NLGN1: variants seen among roughly 807,000 people sequenced by gnomAD.
NLGN1 encodes the protein neuroligin 1, also known as neuroligin-1.
A neutral mutation model predicts 65.5 loss-of-function variants in NLGN1; 12 were observed. The observed-to-expected ratio is 0.18, with a 90% CI of 0.12 to 0.30. The LOEUF (loss-of-function observed/expected upper bound fraction) is 0.30. Among genes scored for constraint, NLGN1 ranks in the 10% least tolerant of loss-of-function variants. The probability of loss-of-function intolerance (pLI) is 1.00; values close to 1 mark genes in which losing one functional copy is unlikely to be tolerated. For synonymous variants in NLGN1, 350 were observed against 359.5 expected (o/e 0.97, Z 0.30); for missense variants, 750 against 1,007.1 (o/e 0.74, Z 3.46).
chr3:173,527,049 A>G (rs1296515102), intron 2 of NLGN1, among the ~76,000 whole-genome samples: 2 of 152,226 alleles, frequency 1.3e-5, no homozygotes, highest in East Asian at 1.9e-4. Context: ...TAGTGCTGCA[A>G]TAAACATGGG....
chr3:173,521,987 G>A (rs1205713510), intron 2 of NLGN1, among the ~76,000 whole-genome samples: 1 of 152,114 alleles, frequency 6.6e-6, no homozygotes, highest in African/African-American at 2.4e-5. Context: ...AACCATAGTA[G>A]TGGGTAATTA....
chr3:173,838,175 T>C (rs1247907158), intron 4 of NLGN1, among the ~76,000 whole-genome samples: 1 of 151,840 alleles, frequency 6.6e-6, no homozygotes, highest in East Asian at 1.9e-4. Context: ...AAACACTAAA[T>C]TGATTGTAAC....
intron 2 of NLGN1, among the ~76,000 whole-genome samples, chr3:173,557,503 A>G (rs1026230008): frequency 3.9e-5 from 6 of 151,934 alleles, no homozygotes; most frequent in East Asian, 1.9e-4. Flanking sequence ...TCTTTGCCCT[A>G]TTTAACTTTC....
In NLGN1 at chr3:173,408,708, C is replaced by T. The variant is rs1054079977; in HGVS notation, c.-390+10221C>T. Among the ~76,000 whole-genome samples the T allele has an allele frequency of 1.6e-4, 24 of 152,104 alleles. 2 individuals carry two copies. Among genetic ancestry groups the T allele is most frequent in the Admixed American group, 1.2e-3 (18 of 15,284 alleles). On this transcript the variant is annotated intron_variant, in intron 1 of 6. Transcript: ENST00000457714. ...CGGGCGGATCACAGGGTCAGGAGAT[C>T]GAGACCTTCCTGGCTAATACGGTGA...
intron 4 of NLGN1, among the ~76,000 whole-genome samples, chr3:174,137,091 C>G (rs930448156): frequency 6.6e-6 from 1 of 152,004 alleles, no homozygotes; most frequent in African/African-American, 2.4e-5. Context: ...TATTGACTAC[C>G]GTGCTGAAAG....
intron 4 of NLGN1, among the ~76,000 whole-genome samples, chr3:174,019,173 C>T (rs1248023934): frequency 6.6e-6 from 1 of 152,104 alleles, no homozygotes; most frequent in Admixed American, 6.6e-5. Flanking sequence ...AAGTGGCTTA[C>T]AAAATTATGA....
chr3:173,947,535 T>A (rs1005492217), intron 4 of NLGN1, among the ~76,000 whole-genome samples: 3 of 152,210 alleles, frequency 2.0e-5, no homozygotes, highest in Admixed American at 2.0e-4. Flanking sequence ...CGTTATTTTT[T>A]AAATAATTAC....
At chr3:173,759,959 G>A (rs1032850777) in intron 3 of NLGN1, among the ~76,000 whole-genome samples, 8 of 151,760 alleles carry the variant, frequency 5.3e-5, no homozygotes, top group African/African-American at 1.9e-4. Flanking sequence ...TTTTCTTTTA[G>A]TGGGTAGTTA....
rs1285891601 is a variant in NLGN1, at chr3:173,957,703, T to G, written c.646+149871T>G. On this transcript the variant is annotated intron_variant, in intron 4 of 6. Coordinates refer to ENST00000457714, the Ensembl canonical transcript of NLGN1. ...AGGAATACACCTTACTAATAGTTTCTGCTCCCTCCTATGGTCCTGAATGTA... is the reference window on the plus strand; with the variant it reads ...AGGAATACACCTTACTAATAGTTTCGGCTCCCTCCTATGGTCCTGAATGTA... Among the ~76,000 whole-genome samples the G allele has an allele frequency of 2.6e-5, 4 of 152,344 alleles. No individual in the cohort carries two copies. In the East Asian group the frequency reaches 7.7e-4, roughly 29 times the overall value.
chr3:173,429,433 C>A (rs1468824161), intron 1 of NLGN1, among the ~76,000 whole-genome samples: 1 of 152,142 alleles, frequency 6.6e-6, no homozygotes, highest in Non-Finnish European at 1.5e-5. Context: ...TTCCTCAAAA[C>A]TACTGTTTTG....
chr3:173,659,265 A>G (rs1259051347), intron 3 of NLGN1, among the ~76,000 whole-genome samples: 1 of 152,044 alleles, frequency 6.6e-6, no homozygotes, highest in Non-Finnish European at 1.5e-5. Context: ...TTCTTACATT[A>G]TACTCAATGG....
intron 3 of NLGN1, among the ~76,000 whole-genome samples, chr3:173,614,581 A>G (rs528747330): frequency 6.6e-6 from 1 of 152,170 alleles, no homozygotes; most frequent in Admixed American, 6.5e-5. Flanking sequence ...AAGAGAACTG[A>G]TATGTTGCTT....
intron 2 of NLGN1, among the ~76,000 whole-genome samples, chr3:173,446,126 A>G (rs1020268556): frequency 2.0e-5 from 3 of 151,904 alleles, no homozygotes; most frequent in African/African-American, 7.3e-5. Flanking sequence ...CAGGTTTGTT[A>G]CATATGTATA....
chr3:174,012,801 T>C (rs1286033712), intron 4 of NLGN1, among the ~76,000 whole-genome samples: 1 of 152,182 alleles, frequency 6.6e-6, no homozygotes, highest in African/African-American at 2.4e-5. Flanking sequence ...ATATATATAA[T>C]AGGTTTGAGA....
chr3:173,791,534 C>A (rs201192150), intron 3 of NLGN1, among the ~76,000 whole-genome samples: 6 of 123,164 alleles, frequency 4.9e-5, no homozygotes, highest in African/African-American at 1.8e-4. Context: ...TTTTTTTTTT[C>A]TTTTAAAGGC....
chr3:173,445,267 C>CAAAAAAAAAA (rs60140480), intron 2 of NLGN1, among the ~76,000 whole-genome samples: 2 of 103,486 alleles, frequency 1.9e-5, no homozygotes, highest in African/African-American at 8.5e-5. Context: ...GACTCCGTCT[C>CAAAAAAAAAA]AAAAAAAAAA....
At chr3:173,767,157 G>T (rs750631721) in intron 3 of NLGN1, among the ~76,000 whole-genome samples, 15 of 152,130 alleles carry the variant, frequency 9.9e-5, no homozygotes, top group Admixed American at 7.2e-4. Context: ...AGGGACTGGC[G>T]TGTTTTTCTT....
chr3:173,697,628 A>G (rs911635688), intron 3 of NLGN1, among the ~76,000 whole-genome samples: 2 of 151,960 alleles, frequency 1.3e-5, no homozygotes, highest in African/African-American at 4.8e-5. Context: ...CCCGGGTTCA[A>G]GTGATTCTCC....
At chr3:173,721,690 G>C (rs1000130485) in intron 3 of NLGN1, among the ~76,000 whole-genome samples, 2 of 152,276 alleles carry the variant, frequency 1.3e-5, no homozygotes, top group African/African-American at 4.8e-5. Context: ...AAGAAGGACT[G>C]GAGATAGTAG....
Sources: gnomAD v4.1 joint callset for allele counts (sites outside exome capture counted in the v4.1 genomes callset) on GRCh38, gnomAD v4.1.1 for gene constraint, MANE v1.5 for transcripts, NCBI Gene and HGNC (gene_info 2026-07-23, HGNC 2026-07-21) for gene names.